Variants in BTBD9 observed in about 807,000 individuals in gnomAD.
BTBD9 encodes BTB domain containing 9.
BTBD9 carries 49 observed loss-of-function variants against 64.3 expected under a neutral mutation model. The ratio of observed to expected loss-of-function variants is 0.76; its 90% CI spans 0.61 to 0.97. The LOEUF (loss-of-function observed/expected upper bound fraction) is 0.97. Ranked by LOEUF, BTBD9 falls within the 50% of genes least tolerant of loss-of-function variation. The pLI, the probability that BTBD9 is intolerant of heterozygous loss-of-function variation, is 0.00. For synonymous variants in BTBD9, 260 were observed against 274.7 expected (o/e 0.95, Z 0.53); for missense variants, 598 against 762.1 (o/e 0.78, Z 2.53).
At chr6:38,275,801 C>A (rs1221237171) in intron 8 of BTBD9, among the ~76,000 whole-genome samples, 10 of 151,966 alleles carry the variant, frequency 6.6e-5, no homozygotes, top group Non-Finnish European at 1.2e-4. Flanking sequence ...CAATGAGATA[C>A]CAACTCACAC....
intron 6 of BTBD9, among the ~76,000 whole-genome samples, chr6:38,465,707 T>TTATATATATATA (rs1157324453): frequency 3.4e-4 from 16 of 46,808 alleles, no homozygotes; most frequent in Non-Finnish European, 4.7e-4. Flanking sequence ...AATAAATAAA[T>TTATATATATATA]TATATATATA....
chr6:38,455,819 A>G (rs1769773157), intron 6 of BTBD9, among the ~76,000 whole-genome samples: 1 of 151,962 alleles, frequency 6.6e-6, no homozygotes, highest in African/African-American at 2.4e-5. Flanking sequence ...CGGGGATTAC[A>G]GGCATGCGCC....
chr6:38,469,537 G>A (rs897851543), intron 6 of BTBD9, among the ~76,000 whole-genome samples: 4 of 152,002 alleles, frequency 2.6e-5, no homozygotes, highest in Non-Finnish European at 5.9e-5. Flanking sequence ...AGTCAGGATG[G>A]TCTCGATCTC....
rs77777437 is a variant in BTBD9, at chr6:38,573,275, T to C, written c.1154+4325A>G. Among the ~76,000 whole-genome samples, 337 of 152,266 alleles carry C rather than the reference T, an allele frequency of 2.2e-3. 6 individuals are homozygous for C. In the East Asian group the frequency reaches 0.037, roughly 17 times the overall value. On this transcript the variant is annotated intron_variant, in intron 6 of 10. Transcript: ENST00000481247. ...CATTTTTACATGCAATTGGTAGAAA[T>C]TGAGTACAACATTTCCAGATGGCAA...
intron 1 of BTBD9, among the ~76,000 whole-genome samples, chr6:38,636,311 C>A (rs1326743032): frequency 2.6e-5 from 4 of 152,200 alleles, no homozygotes; most frequent in African/African-American, 7.2e-5. Flanking sequence ...CTCCCACAGC[C>A]TCAGCGGACA....
intron 7 of BTBD9, among the ~76,000 whole-genome samples, chr6:38,305,306 A>C (rs1318237653): frequency 6.6e-6 from 1 of 152,212 alleles, no homozygotes; most frequent in African/African-American, 2.4e-5. Flanking sequence ...AGCACTACCC[A>C]CACCTTCTAT....
intron 7 of BTBD9, among the ~76,000 whole-genome samples, chr6:38,340,989 C>T (rs527935916): frequency 1.1e-4 from 17 of 152,248 alleles, no homozygotes; most frequent in East Asian, 7.7e-4. Flanking sequence ...AATGTTACCA[C>T]GGAAATTCAA....
At chr6:38,177,202 A>G (rs534971547) in intron 10 of BTBD9, among the ~76,000 whole-genome samples, 2 of 152,286 alleles carry the variant, frequency 1.3e-5, no homozygotes, top group East Asian at 1.9e-4. Context: ...TCAGGCTGAC[A>G]CTAATCCTGG....
intron 1 of BTBD9, among the ~76,000 whole-genome samples, chr6:38,625,552 C>G (rs1778136927): frequency 6.6e-6 from 1 of 152,208 alleles, no homozygotes; most frequent in African/African-American, 2.4e-5. Context: ...GACAACCTGA[C>G]AGTGTTACTA....
At chr6:38,468,649 C>T (rs2127363916) in intron 6 of BTBD9, among the ~76,000 whole-genome samples, 1 of 152,270 alleles carries the variant, frequency 6.6e-6, no homozygotes, top group East Asian at 1.9e-4. Context: ...TTTTATTCTC[C>T]TCTGTAACTC....
At chr6:38,579,043 C>CTCT (rs1206761217) in intron 5 of BTBD9, among the ~76,000 whole-genome samples, 7 of 152,104 alleles carry the variant, frequency 4.6e-5, no homozygotes, top group Non-Finnish European at 7.3e-5. Context: ...TAATCAGAGA[C>CTCT]TCTTGGAAAT....
chr6:38,274,344 C>T (rs892686799), intron 8 of BTBD9, among the ~76,000 whole-genome samples: 3 of 152,142 alleles, frequency 2.0e-5, no homozygotes, highest in Non-Finnish European at 4.4e-5. Flanking sequence ...ATTTGACTTC[C>T]TCTTTTCCTA....
chr6:38,340,167 TATAA>T (rs1210879969), intron 7 of BTBD9, among the ~76,000 whole-genome samples: 2 of 152,204 alleles, frequency 1.3e-5, no homozygotes, highest in East Asian at 3.8e-4. Context: ...ATATATGTCA[TATAA>T]ATAATTAAGT....
chr6:38,508,817 C>T (rs1298524829), intron 6 of BTBD9, among the ~76,000 whole-genome samples: 3 of 152,176 alleles, frequency 2.0e-5, no homozygotes. Context: ...CCCCCAAATC[C>T]AAGACAGGCT....
chr6:38,324,771 A>G (rs953794968), intron 7 of BTBD9, among the ~76,000 whole-genome samples: 2 of 152,204 alleles, frequency 1.3e-5, no homozygotes, highest in Admixed American at 1.3e-4. Context: ...ATATGTGCAT[A>G]CTTTAGTACT....
chr6:38,454,889 G>A (rs1396158838), intron 6 of BTBD9, among the ~76,000 whole-genome samples: 2 of 151,324 alleles, frequency 1.3e-5, no homozygotes, highest in African/African-American at 2.4e-5. Context: ...TAATATAAAT[G>A]AGGAGAATTA....
Position 38,271,010 on chromosome 6 carries a change from A to G in BTBD9, c.1455-14494T>C, listed in dbSNP as rs1765180691. On this transcript the variant is annotated intron_variant, in intron 8 of 10. Transcript: ENST00000481247. Reference sequence around the variant, plus strand: ...GATTTCTGATTCCTTTTTCAAGTCTATTTTTCCCTTTTAATTACAAAGCGA... The same window carrying G: ...GATTTCTGATTCCTTTTTCAAGTCTGTTTTTCCCTTTTAATTACAAAGCGA... Among the ~76,000 whole-genome samples the G allele has an allele frequency of 2.0e-5, 3 of 152,006 alleles. 1 individual carries two copies. The South Asian group carries it at 6.2e-4, about 31-fold the overall frequency.
chr6:38,603,825 T>C (rs1268890511), intron 1 of BTBD9, among the ~76,000 whole-genome samples: 1 of 152,206 alleles, frequency 6.6e-6, no homozygotes, highest in Non-Finnish European at 1.5e-5. Context: ...AGGAAAGAGA[T>C]AGCATTTACA....
At chr6:38,228,712 A>G (rs1394887650) in intron 9 of BTBD9, among the ~76,000 whole-genome samples, 1 of 151,314 alleles carries the variant, frequency 6.6e-6, no homozygotes, top group African/African-American at 2.4e-5. Context: ...CGTCTCTACT[A>G]GAAATACAAA....
Sources: allele counts gnomAD v4.1 joint callset (sites outside exome capture counted in the v4.1 genomes callset), GRCh38; gene constraint gnomAD v4.1.1; transcripts MANE v1.5; gene names NCBI Gene and HGNC (gene_info 2026-07-23, HGNC 2026-07-21).